Variants in DNASE1 observed in about 807,000 individuals in gnomAD.
The protein encoded by DNASE1 is deoxyribonuclease 1.
A neutral mutation model predicts 33.9 loss-of-function variants in DNASE1; 40 were observed. The ratio of observed to expected loss-of-function variants is 1.18; its 90% confidence interval spans 0.92 to 1.54. The LOEUF (loss-of-function observed/expected upper bound fraction) is 1.54, where lower values mean the gene tolerates loss of function less well. DNASE1 is among the 40% of genes most tolerant of loss of function. The pLI, the probability that DNASE1 is intolerant of heterozygous loss-of-function variation, is 0.00. For missense variants in DNASE1, 518 were observed against 372.6 expected (o/e 1.39, Z -3.21); for synonymous variants, 216 against 160.0 (o/e 1.35, Z -2.64).
chr16:3,624,414 C>T (rs945184059), intron 1 of DNASE1, among the ~76,000 whole-genome samples: 1 of 152,182 alleles, frequency 6.6e-6, no homozygotes, highest in African/African-American at 2.4e-5. Flanking sequence ...CTGCGTAAGG[C>T]ACCTGGTGGT....
At chr16:3,661,913 C>T, downstream of DNASE1, 1 of 1,495,066 alleles carries the variant, frequency 6.7e-7, no homozygotes. Flanking sequence ...GTGTCACATT[C>T]CACAACAAAA....
At chr16:3,663,019 CT>C (rs772623721), downstream of DNASE1, 97 of 1,443,934 alleles carry the variant, frequency 6.7e-5, no homozygotes, top group Non-Finnish European at 8.1e-5. Context: ...AACTCCCCGG[CT>C]TCCATGGGGG....
At chr16:3,638,457 C>T (rs1353438147), upstream of DNASE1, among the ~76,000 whole-genome samples, 4 of 152,194 alleles carry the variant, frequency 2.6e-5, no homozygotes, top group Non-Finnish European at 5.9e-5. Context: ...CCTGCCTCAG[C>T]CTCCCGAGTA....
At chr16:3,636,185 T>C (rs2041862676) in intron 1 of DNASE1, among the ~76,000 whole-genome samples, 2 of 152,118 alleles carry the variant, frequency 1.3e-5, no homozygotes, top group East Asian at 1.9e-4. Flanking sequence ...TTCAAGCTCA[T>C]TGATTCTTTC....
chr16:3,662,240 G>T (rs113229466), downstream of DNASE1: 3 of 1,394,810 alleles, frequency 2.2e-6, no homozygotes, highest in Admixed American at 4.5e-5. Context: ...AGCAGGCGGG[G>T]TCTCAAGGAC....
exon 10 of DNASE1, chr16:3,664,686 T>C (rs112035579): frequency 7.5e-4 from 399 of 531,606 alleles, no homozygotes; most frequent in African/African-American, 7.2e-3. Context: ...CTGCCCCAGG[T>C]GGCCCAGGGG....
chr16:3,649,051 C>T (rs999657274), intron 1 of DNASE1, among the ~76,000 whole-genome samples: 2 of 152,176 alleles, frequency 1.3e-5, no homozygotes, highest in Admixed American at 6.6e-5. Context: ...CTTGTATTTG[C>T]TTTAAGTTGT....
downstream of DNASE1, chr16:3,659,877 G>C (rs891121450): frequency 6.6e-6 from 1 of 152,032 alleles, no homozygotes; most frequent in Non-Finnish European, 1.5e-5. Context: ...AGCCTCCCAA[G>C]TAACTGGGAT....
chr16:3,638,632 C>A (rs2041946211), upstream of DNASE1, among the ~76,000 whole-genome samples: 1 of 152,226 alleles, frequency 6.6e-6, no homozygotes, highest in African/African-American at 2.4e-5. Flanking sequence ...GCCACCACGC[C>A]CGGCCTCTGT....
chr16:3,648,091 T>C (rs1177755880), intron 1 of DNASE1, among the ~76,000 whole-genome samples: 1 of 151,814 alleles, frequency 6.6e-6, no homozygotes, highest in Non-Finnish European at 1.5e-5. Context: ...TTGCTCAAAC[T>C]TGGGAGGCCG....
chr16:3,657,780 T>C lies in DNASE1; in HGVS notation c.765T>C (p.Phe255=). ...GAVVPDSALP[F]NFQAAYGLSD... ...TTGTTCCCGACTCGGCTCTTCCCTTTAACTTCCAGGCTGCCTATGGCCTGA... is the reference window on the plus strand; with the variant it reads ...TTGTTCCCGACTCGGCTCTTCCCTTCAACTTCCAGGCTGCCTATGGCCTGA... The change falls in exon 8 of 9, where the codon TTT becomes TTC. Residue 255 remains phenylalanine, a synonymous_variant. Coordinates refer to ENST00000246949, the MANE Select transcript of DNASE1 (RefSeq NM_005223.4). 6.2e-7 allele frequency: 1 copy of C among 1,614,074 alleles called. No individual in the cohort carries two copies. The highest frequency in any genetic ancestry group is 8.5e-7 in the Non-Finnish European group (1 of 1,180,026).
At position 3,655,533 on chromosome 16, in the gene DNASE1, C is replaced by T. The variant is rs1567208593; in HGVS notation, c.147+13C>T. The T allele has an allele frequency of 1.2e-6, 2 of 1,613,964 alleles. No homozygotes were observed. Among genetic ancestry groups the T allele is most frequent in the East Asian group, 2.2e-5 (1 of 44,876 alleles). On this transcript the variant is annotated intron_variant, in intron 2 of 8. Coordinates refer to ENST00000246949, the MANE Select transcript of DNASE1 (RefSeq NM_005223.4). Reference sequence around the variant, plus strand: ...CTACATTGTGCAGGTGAGGCCAGGGCAGCCTCCCCCCAAAAGCAGAGGAGC... The same window carrying T: ...CTACATTGTGCAGGTGAGGCCAGGGTAGCCTCCCCCCAAAAGCAGAGGAGC...
intron 7 of DNASE1, 120 bp downstream of exon 7, chr16:3,657,461 A>G: frequency 7.2e-7 from 1 of 1,379,764 alleles, no homozygotes; most frequent in Non-Finnish European, 9.9e-7. Flanking sequence ...GCTTCAGTTG[A>G]TCCACTACAG....
intron 1 of DNASE1, among the ~76,000 whole-genome samples, chr16:3,623,514 C>G (rs1312462630): frequency 6.6e-6 from 1 of 151,886 alleles, no homozygotes; most frequent in Non-Finnish European, 1.5e-5. Flanking sequence ...TTCTACACAG[C>G]AAAAGAAATA....
chr16:3,658,544 A>G, downstream of DNASE1: 1 of 572,104 alleles, frequency 1.7e-6, no homozygotes. Flanking sequence ...AGCCAGGCGC[A>G]TGCCTGTAGT....
At chr16:3,631,774 C>T (rs1250075884) in intron 1 of DNASE1, among the ~76,000 whole-genome samples, 1 of 152,134 alleles carries the variant, frequency 6.6e-6, no homozygotes, top group Admixed American at 6.6e-5. Flanking sequence ...CCACCCACCT[C>T]GGCCTCCCAA....
chr16:3,621,057 C>G (rs1258667292), intron 1 of DNASE1, among the ~76,000 whole-genome samples: 1 of 152,140 alleles, frequency 6.6e-6, no homozygotes, highest in African/African-American at 2.4e-5. Context: ...CTCAGCCTCC[C>G]AAAGTGCTGG....
At chr16:3,614,915 T>TA (rs1402263324) in intron 1 of DNASE1, among the ~76,000 whole-genome samples, 10 of 152,194 alleles carry the variant, frequency 6.6e-5, no homozygotes, top group Non-Finnish European at 1.0e-4. Context: ...TTAAATCTCT[T>TA]AGAGTCCTGG....
exon 10 of DNASE1, chr16:3,663,564 T>A (rs1403968676): frequency 6.2e-7 from 1 of 1,613,656 alleles, no homozygotes; most frequent in Non-Finnish European, 8.5e-7. Flanking sequence ...GAAGAGAACC[T>A]GCAGGTGGCC....
Sources: allele counts gnomAD v4.1 joint callset (sites outside exome capture counted in the v4.1 genomes callset), GRCh38; gene constraint gnomAD v4.1.1; transcripts MANE v1.5; gene names NCBI Gene and HGNC (gene_info 2026-07-23, HGNC 2026-07-21).